The following ZNF570 variants were observed in gnomAD, a reference collection of about 807,000 sequenced individuals.
ZNF570 encodes the protein zinc finger protein 570.
A neutral mutation model predicts 14.2 loss-of-function variants in ZNF570; 8 were observed. The ratio of observed to expected loss-of-function variants is 0.56; its 90% CI spans 0.33 to 1.02. The LOEUF (loss-of-function observed/expected upper bound fraction) is 1.02. Among genes scored for constraint, ZNF570 ranks in the 50% least tolerant of loss-of-function variants. ZNF570 has a pLI of 0.03. For missense variants in ZNF570, 559 were observed against 624.9 expected (o/e 0.89, Z 1.12); for synonymous variants, 202 against 207.6 (o/e 0.97, Z 0.23).
chr19:37,474,552 C>T (rs938670003), intron 2 of ZNF570, among the ~76,000 whole-genome samples: 81 of 151,784 alleles, frequency 5.3e-4, no homozygotes, highest in African/African-American at 1.9e-3. Context: ...CTCTGCCTCC[C>T]GGATTCAAGC....
At position 37,484,636 on chromosome 19, in the gene ZNF570, AT is replaced by A. The variant is rs745865299; in HGVS notation, c.1017del (p.Phe339LeufsTer201). ...ATGAATGTATCGAATGTGGGAAAGC[AT>A]TTAGCAACAGATCATCCATTGCTCA... ...PYECIECGKA[F>X]SNRSSIAQHQ... On this transcript the variant is annotated frameshift_variant, in exon 5 of 5. Transcript: ENST00000330173. LOFTEE classifies it low-confidence loss of function (END_TRUNC). 1.7e-5 allele frequency: 27 copies of A among 1,613,118 alleles called. No individual in the cohort carries two copies. Among genetic ancestry groups the A allele is most frequent in the Non-Finnish European group, 2.2e-5 (26 of 1,179,754 alleles).
intron 2 of ZNF570, among the ~76,000 whole-genome samples, chr19:37,471,029 T>TTTTTTTTTTTTTTTTTTTA (rs71177454): frequency 8.2e-6 from 1 of 122,162 alleles, no homozygotes; most frequent in African/African-American, 3.4e-5. Context: ...TTTTTTTTTT[T>TTTTTTTTTTTTTTTTTTTA]GTTGAGACGG....
Position 37,486,768 on chromosome 19 carries a change from A to T in ZNF570, c.*1535A>T, listed in dbSNP as rs1387773814. 1 of 152,256 alleles carries T rather than the reference A, an allele frequency of 6.6e-6. No individual in the cohort carries two copies. The highest frequency in any genetic ancestry group is 1.5e-5 in the Non-Finnish European group (1 of 68,050). The allele number at this position is 152,256 out of a possible 1,614,324, so 9.4% of individuals were successfully genotyped here. A position where few individuals can be genotyped will look rare whatever the true frequency, so the allele number is the denominator to read the frequency against. ...TTTTAGGAAGTTTCTACAGATAATG[A>T]ATTGGATAAGCCAATTAAGAAAAAT... On this transcript the variant is annotated 3_prime_UTR_variant, in exon 5 of 5. Transcript: ENST00000330173.
chr19:37,469,262 A>T, upstream of ZNF570: 2 of 1,396,800 alleles, frequency 1.4e-6, no homozygotes, highest in South Asian at 3.2e-5. Context: ...CGACGCCGCG[A>T]CCTTTTCTAC....
At chr19:37,471,207 A>G (rs1337541849) in intron 2 of ZNF570, among the ~76,000 whole-genome samples, 14 of 146,440 alleles carry the variant, frequency 9.6e-5, no homozygotes, top group South Asian at 2.2e-4. Flanking sequence ...TAGAGACGGG[A>G]TTTCACCATG....
At chr19:37,482,250 A>G (rs564399839) in intron 4 of ZNF570, among the ~76,000 whole-genome samples, 1 of 152,348 alleles carries the variant, frequency 6.6e-6, no homozygotes, top group South Asian at 2.1e-4. Context: ...TTGCACTGCT[A>G]TAATGAAATA....
At chr19:37,472,706 C>A (rs1479965676) in intron 2 of ZNF570, among the ~76,000 whole-genome samples, 1 of 144,614 alleles carries the variant, frequency 6.9e-6, no homozygotes, top group Non-Finnish European at 1.5e-5. Context: ...GGTGCCATGG[C>A]ACTCCAGCCT....
Position 37,487,356 on chromosome 19 carries a change from G to C in ZNF570, c.*2123G>C, listed in dbSNP as rs1207513824. ...AGTGGTTGCAAAATTGAAATCAAAA[G>C]GGGATTAAGGGAAGAAAACAGATAG... On this transcript the variant is annotated 3_prime_UTR_variant, in exon 5 of 5. Transcript: ENST00000330173. The C allele has an allele frequency of 7.0e-6, 1 of 143,054 alleles. No individual in the cohort carries two copies. The highest frequency in any genetic ancestry group is 2.8e-5 in the African/African-American group (1 of 35,458). 8.9% of individuals were successfully genotyped at this position (143,054 alleles called of 1,614,324 possible).
chr19:37,481,543 A>C (rs1184848665), intron 4 of ZNF570, among the ~76,000 whole-genome samples: 1 of 152,168 alleles, frequency 6.6e-6, no homozygotes, highest in Non-Finnish European at 1.5e-5. Flanking sequence ...TCATTAATAT[A>C]TTCTTCCTTG....
rs1272504687 is a variant in ZNF570, at chr19:37,470,388, G to A, written c.33+1G>A. ...TGGGCTTCTTAAAGCCATGTACCAG[G>A]TGTGTTGGTGTTTTCTCGATTTCCT... On this transcript the variant is annotated splice_donor_variant, in intron 2 of 4. Transcript: ENST00000330173. LOFTEE classifies it high-confidence loss of function. 1 of 1,613,242 alleles carries A rather than the reference G, an allele frequency of 6.2e-7. No individual in the cohort carries two copies. The highest frequency in any genetic ancestry group is 8.5e-7 in the Non-Finnish European group (1 of 1,179,514).
At chr19:37,476,551 T>C (rs1293661390) in intron 4 of ZNF570, 117 bp downstream of exon 4, 2 of 1,363,182 alleles carry the variant, frequency 1.5e-6, no homozygotes, top group Non-Finnish European at 1.9e-6. Flanking sequence ...TAGGTTTTCA[T>C]AAAAATTTGG....
rs371894695 is a variant in ZNF570 at position 37,484,970 on chromosome 19, G to A, written c.1348G>A (p.Ala450Thr). ...KPYECIECGK[A>T]FSNDSSLTQH... ...CTATGAATGTATTGAATGTGGGAAG[G>A]CTTTTAGCAATGACTCGTCCCTTAC... The change falls in exon 5 of 5, where the codon GCT (alanine) becomes ACT (threonine). Residue 450 changes from alanine to threonine, a missense_variant. Coordinates refer to ENST00000330173, the MANE Select transcript of ZNF570 (RefSeq NM_144694.5). The A allele has an allele frequency of 6.2e-7, 1 of 1,614,092 alleles. No individual in the cohort carries two copies. The highest frequency in any genetic ancestry group is 8.5e-7 in the Non-Finnish European group (1 of 1,180,002).
At position 37,484,231 on chromosome 19, in the gene ZNF570, A is replaced by T; in HGVS notation, c.609A>T (p.Leu203Phe). Residue 203 changes from leucine (L) to phenylalanine (F), a missense_variant, in exon 5 of 5, where the codon TTA becomes TTT. Transcript: ENST00000330173. ...AAAAGAGAAGCTTTAAAAAAAATTTAATGGCTATTAAGCCCAAGAGTGTCT... is the reference window on the plus strand; with the variant it reads ...AAAAGAGAAGCTTTAAAAAAAATTTTATGGCTATTAAGCCCAAGAGTGTCT... ...DTQKRSFKKNLMAIKPKSVCA... is the reference protein window; with the variant it reads ...DTQKRSFKKNFMAIKPKSVCA... 2 of 1,613,988 alleles carry T rather than the reference A, an allele frequency of 1.2e-6. No homozygotes were observed. Among genetic ancestry groups the T allele is most frequent in the Non-Finnish European group, 1.7e-6 (2 of 1,179,994 alleles).
chr19:37,475,473 A>G (rs1285132114), intron 2 of ZNF570, among the ~76,000 whole-genome samples: 2 of 152,110 alleles, frequency 1.3e-5, no homozygotes, highest in African/African-American at 4.8e-5. Flanking sequence ...GCTTCTTGAA[A>G]TTTTCTTCAA....
chr19:37,482,953 A>T (rs1600387591), intron 4 of ZNF570, among the ~76,000 whole-genome samples: 1 of 149,146 alleles, frequency 6.7e-6, no homozygotes, highest in Non-Finnish European at 1.5e-5. Context: ...CATGATTGTA[A>T]GTTTCCCGAG....
intron 2 of ZNF570, among the ~76,000 whole-genome samples, chr19:37,473,682 A>G (rs1044600173): frequency 6.6e-6 from 1 of 152,118 alleles, no homozygotes; most frequent in Non-Finnish European, 1.5e-5. Flanking sequence ...GTAGAAGCGT[A>G]GAGGATGAGA....
chr19:37,468,172 G>T, upstream of ZNF570: 1 of 545,574 alleles, frequency 1.8e-6, no homozygotes, highest in South Asian at 2.4e-5. Context: ...CTGCAGCCTC[G>T]AACTCCCGGG....
upstream of ZNF570, chr19:37,469,326 G>C (rs999950248): frequency 7.1e-6 from 10 of 1,416,632 alleles, no homozygotes; most frequent in African/African-American, 1.4e-4. Context: ...CGGCCCCTTT[G>C]TGTCCTCCGG....
rs142388172 is a variant in ZNF570 at position 37,469,366 on chromosome 19, G to C, written c.-243G>C. 2,114 of 1,424,298 alleles carry C rather than the reference G, an allele frequency of 1.5e-3. 27 individuals are homozygous for C. The African/African-American group carries it at 0.027, about 18-fold the overall frequency. 88.2% of individuals were successfully genotyped at this position (1,424,298 alleles called of 1,614,324 possible). ...GGAGGCAGCTGAGGCGCTTCTTTCC[G>C]GGCCCGTAAGGGCTGGGTTCCATCC... On this transcript the variant is annotated 5_prime_UTR_variant, in exon 1 of 5. Transcript: ENST00000330173.
Sources: allele counts gnomAD v4.1 joint callset (sites outside exome capture counted in the v4.1 genomes callset), GRCh38; gene constraint gnomAD v4.1.1; transcripts MANE v1.5; gene names NCBI Gene and HGNC (gene_info 2026-07-23, HGNC 2026-07-21).